C10orf90: variants seen among roughly 807,000 people sequenced by gnomAD.
C10orf90 encodes the protein chromosome 10 open reading frame 90, also known as (E2-independent) E3 ubiquitin-conjugating enzyme FATS.
Under a neutral mutation model 62.5 loss-of-function variants are expected in C10orf90, and 56 were observed. The ratio of observed to expected loss-of-function variants is 0.90; its 90% CI spans 0.72 to 1.12. The LOEUF is 1.12. C10orf90 is among the 50% of genes most tolerant of loss of function. The pLI, the probability that C10orf90 is intolerant of heterozygous loss-of-function variation, is 0.00. For synonymous variants in C10orf90, 386 were observed against 340.4 expected (o/e 1.13, Z -1.47); for missense variants, 970 against 880.4 (o/e 1.10, Z -1.29).
chr10:126,526,827 T>C (rs977272441), intron 2 of C10orf90, among the ~76,000 whole-genome samples: 8 of 152,306 alleles, frequency 5.3e-5, no homozygotes, highest in Middle Eastern at 3.4e-3. Context: ...ATATGTGGGC[T>C]TTTGTTTCTG....
intron 2 of C10orf90, among the ~76,000 whole-genome samples, chr10:126,565,092 T>TTATATATATTATATAAAATATATATTA (rs754441387): frequency 8.6e-5 from 1 of 11,592 alleles, no homozygotes; most frequent in African/African-American, 2.3e-4. Context: ...AAAATATATA[T>TTATATATATTATATAAAATATATATTA]TATATAATAT....
intron 2 of C10orf90, among the ~76,000 whole-genome samples, chr10:126,614,703 G>A (rs995631080): frequency 1.6e-4 from 24 of 152,174 alleles, no homozygotes; most frequent in Admixed American, 1.2e-3. Flanking sequence ...TCGAAGAACA[G>A]CAGTGAATAG....
At chr10:126,514,429 T>A (rs1319135721) in intron 2 of C10orf90, among the ~76,000 whole-genome samples, 2 of 152,178 alleles carry the variant, frequency 1.3e-5, no homozygotes, top group Admixed American at 1.3e-4. Flanking sequence ...AATTTAGTGA[T>A]CATATAATGA....
At chr10:126,490,021 A>ATATATATT (rs1334279972) in intron 4 of C10orf90, among the ~76,000 whole-genome samples, 1 of 63,940 alleles carries the variant, frequency 1.6e-5, no homozygotes, top group East Asian at 4.8e-4. Context: ...TATTATATAT[A>ATATATATT]ATATATAATA....
chr10:126,593,581 T>C (rs1009926437), intron 2 of C10orf90, among the ~76,000 whole-genome samples: 4 of 151,952 alleles, frequency 2.6e-5, no homozygotes, highest in Non-Finnish European at 4.4e-5. Context: ...TCAGGAAGAA[T>C]AGCTAATGGA....
At chr10:126,649,830 A>G (rs969448701) in intron 1 of C10orf90, among the ~76,000 whole-genome samples, 1 of 152,186 alleles carries the variant, frequency 6.6e-6, no homozygotes, top group African/African-American at 2.4e-5. Context: ...TGCTGGGAGC[A>G]GGGCCTACCT....
intron 5 of C10orf90, among the ~76,000 whole-genome samples, chr10:126,462,990 C>A (rs760143643): frequency 6.6e-6 from 1 of 152,148 alleles, no homozygotes; most frequent in Non-Finnish European, 1.5e-5. Context: ...CTGGTTCCTT[C>A]TGGAAAAGAG....
chr10:126,598,125 C>G (rs560466839), intron 2 of C10orf90, among the ~76,000 whole-genome samples: 1 of 152,274 alleles, frequency 6.6e-6, no homozygotes, highest in Non-Finnish European at 1.5e-5. Context: ...GCTAACATGA[C>G]CCACCCTTCT....
At chr10:126,466,341 G>T (rs183129251) in intron 4 of C10orf90, among the ~76,000 whole-genome samples, 2 of 148,248 alleles carry the variant, frequency 1.3e-5, no homozygotes, top group African/African-American at 5.1e-5. Context: ...GTGAAATCCC[G>T]TCTCTACTAA....
Position 126,563,865 on chromosome 10 carries a change from C to G in C10orf90, c.314-49926G>C, listed in dbSNP as rs1003166195. Among the ~76,000 whole-genome samples the G allele has an allele frequency of 4.6e-5, 7 of 152,196 alleles. No individual in the cohort carries two copies. The East Asian group carries it at 1.2e-3, about 25-fold the overall frequency. Reference sequence around the variant, plus strand: ...CCCTGCCTTCAAGTGGCTCACAGTCCTGTGCAGGGCCAGATGAGTAAAGGC... The same window carrying G: ...CCCTGCCTTCAAGTGGCTCACAGTCGTGTGCAGGGCCAGATGAGTAAAGGC... On this transcript the variant is annotated intron_variant, in intron 2 of 9. Transcript: ENST00000488181.
chr10:126,467,590 G>A (rs1200373932), intron 4 of C10orf90, among the ~76,000 whole-genome samples: 2 of 152,122 alleles, frequency 1.3e-5, no homozygotes, highest in Admixed American at 6.5e-5. Flanking sequence ...CTGGACGGGC[G>A]CTTAAAGCCC....
chr10:126,565,349 A>C (rs1408124408), intron 2 of C10orf90, among the ~76,000 whole-genome samples: 2 of 63,780 alleles, frequency 3.1e-5, no homozygotes, highest in Non-Finnish European at 5.3e-5. Context: ...TATAATATAT[A>C]ATATATAATA....
chr10:126,485,949 G>GAAA (rs11461920), intron 4 of C10orf90, among the ~76,000 whole-genome samples: 1 of 139,200 alleles, frequency 7.2e-6, no homozygotes, highest in African/African-American at 2.6e-5. Context: ...TCCATCTCAA[G>GAAA]AAAAAAAAAA....
intron 2 of C10orf90, among the ~76,000 whole-genome samples, chr10:126,627,991 A>C (rs780463602): frequency 5.3e-5 from 8 of 152,216 alleles, no homozygotes; most frequent in Admixed American, 4.6e-4. Context: ...TTGTTCTTTT[A>C]ATCTCGAAAG....
At chr10:126,508,686 C>G (rs529616164) in intron 3 of C10orf90, among the ~76,000 whole-genome samples, 11 of 152,062 alleles carry the variant, frequency 7.2e-5, no homozygotes, top group Non-Finnish European at 1.2e-4. Flanking sequence ...TAGCGTGGGC[C>G]GGGACTCCCA....
intron 1 of C10orf90, among the ~76,000 whole-genome samples, chr10:126,663,412 C>T (rs1026181756): frequency 1.1e-4 from 16 of 152,300 alleles, no homozygotes; most frequent in Non-Finnish European, 1.8e-4. Flanking sequence ...CTCCTTCCGC[C>T]GCTCCTAACT....
chr10:126,457,914 A>G (rs1388670941), intron 7 of C10orf90, among the ~76,000 whole-genome samples: 1 of 152,188 alleles, frequency 6.6e-6, no homozygotes, highest in Non-Finnish European at 1.5e-5. Context: ...ACATTTTCCC[A>G]TGGGGAGCTC....
At chr10:126,446,099 C>A (rs1165639906) in intron 7 of C10orf90, among the ~76,000 whole-genome samples, 1 of 151,760 alleles carries the variant, frequency 6.6e-6, no homozygotes, top group African/African-American at 2.4e-5. Context: ...CACAAATCAC[C>A]GCTAAAGTAT....
intron 2 of C10orf90, among the ~76,000 whole-genome samples, chr10:126,565,239 TATA>T (rs1180543603): frequency 4.3e-5 from 2 of 46,486 alleles, no homozygotes; most frequent in Admixed American, 3.9e-4. Context: ...TATTATGTAA[TATA>T]ATATTTATTA....
Sources: gnomAD v4.1 joint callset for allele counts (sites outside exome capture counted in the v4.1 genomes callset) on GRCh38, gnomAD v4.1.1 for gene constraint, MANE v1.5 for transcripts, NCBI Gene and HGNC (gene_info 2026-07-23, HGNC 2026-07-21) for gene names.